Variants in ATP13A4 observed in about 807,000 individuals in gnomAD.
ATP13A4 encodes probable cation-transporting ATPase 13A4.
In ATP13A4, 114 loss-of-function variants were observed where a neutral mutation model predicts 142.5. The observed-to-expected ratio is 0.80, with a 90% CI of 0.69 to 0.93. The LOEUF is 0.93. ATP13A4 is among the 40% of genes least tolerant of loss of function. The probability of loss-of-function intolerance (pLI) is 0.00; values close to 1 mark genes in which losing one functional copy is unlikely to be tolerated. For synonymous variants in ATP13A4, 488 were observed against 514.8 expected (o/e 0.95, Z 0.70); for missense variants, 1,392 against 1,454.0 (o/e 0.96, Z 0.69).
intron 8 of ATP13A4, among the ~76,000 whole-genome samples, chr3:193,477,058 G>GA (rs565501991): frequency 8.0e-5 from 12 of 150,466 alleles, no homozygotes; most frequent in East Asian, 5.8e-4. Context: ...TCTTCAGTTG[G>GA]AAAAAAAAAT....
intron 8 of ATP13A4, among the ~76,000 whole-genome samples, chr3:193,479,590 C>A (rs915338644): frequency 2.6e-5 from 4 of 152,046 alleles, no homozygotes; most frequent in Non-Finnish European, 5.9e-5. Context: ...ATAAGGAAAA[C>A]TACAAAACAC....
chr3:193,493,846 C>T (rs576763330), intron 3 of ATP13A4, among the ~76,000 whole-genome samples: 1 of 152,148 alleles, frequency 6.6e-6, no homozygotes, highest in African/African-American at 2.4e-5. Context: ...AGTGCCCAGT[C>T]ATTTTCCTTT....
At chr3:193,492,416 A>G (rs1022896719) in intron 5 of ATP13A4, among the ~76,000 whole-genome samples, 2 of 152,156 alleles carry the variant, frequency 1.3e-5, no homozygotes, top group Non-Finnish European at 2.9e-5. Flanking sequence ...TCTGCCTAAT[A>G]ACTGATTTGG....
Position 193,483,936 on chromosome 3 carries a change from CT to C in ATP13A4, c.807del (p.Ala270LeufsTer17). 1.9e-6 allele frequency: 3 copies of C among 1,587,808 alleles called. No homozygotes were observed. The highest frequency in any genetic ancestry group is 2.6e-6 in the Non-Finnish European group (3 of 1,156,382). On this transcript the variant is annotated frameshift_variant and splice_region_variant, in exon 8 of 30. Transcript: ENST00000342695. LOFTEE classifies it high-confidence loss of function. ...ATAGATCTAAAATAATGGAACTTACCTTTTCTCCCACATACAGAGACCGTAA... is the reference window on the plus strand; with the variant it reads ...ATAGATCTAAAATAATGGAACTTACCTTTCTCCCACATACAGAGACCGTAA... ...NSITVSVCGRKAGVQELESRV... is the reference protein window; with the variant it reads ...NSITVSVCGRXAGVQELESRV...
intron 27 of ATP13A4, among the ~76,000 whole-genome samples, chr3:193,411,344 T>C (rs1012038508): frequency 1.3e-5 from 2 of 152,180 alleles, no homozygotes; most frequent in African/African-American, 4.8e-5. Flanking sequence ...AAAATACATG[T>C]TCAATAAATG....
rs1723432410 is a variant in ATP13A4, at chr3:193,549,639, G to A, written c.60+5101C>T. ...GGGTCCAGGAGTTTCAGACCAGCCTGGGCAACATGGTGAAACCCTCTCTCT... is the reference window on the plus strand; with the variant it reads ...GGGTCCAGGAGTTTCAGACCAGCCTAGGCAACATGGTGAAACCCTCTCTCT... On this transcript the variant is annotated intron_variant, in intron 1 of 29. Coordinates refer to ENST00000342695, the MANE Select transcript of ATP13A4 (RefSeq NM_032279.4). Among the ~76,000 whole-genome samples, 3 of 152,068 alleles carry A rather than the reference G, an allele frequency of 2.0e-5. No homozygotes were observed. In the South Asian group the frequency reaches 6.2e-4, roughly 32 times the overall value.
At chr3:193,574,240 C>T (rs986577549) in intron 2 of ATP13A4, among the ~76,000 whole-genome samples, 2 of 152,180 alleles carry the variant, frequency 1.3e-5, no homozygotes, top group Non-Finnish European at 2.9e-5. Flanking sequence ...CATCACCACC[C>T]GTAGTGAAGG....
chr3:193,573,274 T>TATATATATAC (rs1209937896), intron 2 of ATP13A4, among the ~76,000 whole-genome samples: 3 of 83,068 alleles, frequency 3.6e-5, no homozygotes, highest in Non-Finnish European at 7.1e-5. Context: ...TATATATATA[T>TATATATATAC]ACATATATAT....
intron 1 of ATP13A4, chr3:193,553,427 T>C (rs1723701502): frequency 6.6e-6 from 1 of 152,066 alleles, no homozygotes; most frequent in African/African-American, 2.4e-5. Context: ...AGAAAAAAAA[T>C]GTTTCAGAGG....
chr3:193,439,852 G>C (rs933551662), intron 21 of ATP13A4, among the ~76,000 whole-genome samples: 1 of 152,200 alleles, frequency 6.6e-6, no homozygotes, highest in Non-Finnish European at 1.5e-5. Flanking sequence ...TTTCTGAGCT[G>C]AGAAGCTAGC....
Position 193,481,351 on chromosome 3 carries a change from A to T in ATP13A4, c.808+2585T>A, listed in dbSNP as rs947361106. Among the ~76,000 whole-genome samples, 17 of 152,310 alleles carry T rather than the reference A, an allele frequency of 1.1e-4. No homozygotes were observed. In the East Asian group the frequency reaches 2.7e-3, roughly 24 times the overall value. ...CACTAGAGCATGTTTTGAACTTTAT[A>T]TTCTACATATGTATATAATATAAAC... On this transcript the variant is annotated intron_variant, in intron 8 of 29. Transcript: ENST00000342695.
intron 1 of ATP13A4, among the ~76,000 whole-genome samples, chr3:193,525,410 C>T (rs1721946391): frequency 1.3e-5 from 2 of 152,204 alleles, no homozygotes; most frequent in Non-Finnish European, 2.9e-5. Context: ...TTTGGCAATA[C>T]ATTTTATCCC....
chr3:193,448,424 G>GTTC (rs1717083589), intron 17 of ATP13A4, 94 bp from the exon 18 acceptor site: 1 of 1,505,706 alleles, frequency 6.6e-7, no homozygotes, highest in African/African-American at 1.4e-5. Context: ...CAGGCTGGAG[G>GTTC]ACAGTGGTTC....
At chr3:193,573,322 T>TACAC (rs1469936570) in intron 2 of ATP13A4, among the ~76,000 whole-genome samples, 1 of 141,816 alleles carries the variant, frequency 7.1e-6, no homozygotes, top group Admixed American at 7.1e-5. Flanking sequence ...TATATATATA[T>TACAC]ATATAATTTG....
Position 193,407,609 on chromosome 3 carries a change from G to T in ATP13A4, c.3298-216C>A, listed in dbSNP as rs117748515. 1.9e-3 allele frequency among the ~76,000 whole-genome samples: 288 copies of T among 152,134 alleles called. 10 individuals are homozygous for T. In the East Asian group the frequency reaches 0.043, roughly 22 times the overall value. On this transcript the variant is annotated intron_variant, in intron 28 of 29. Transcript: ENST00000342695. ...TACTTATGATCCTAATGATTTGGGG[G>T]GGTTATGAGTGTTGCTTTTCTTCTT...
intron 1 of ATP13A4, among the ~76,000 whole-genome samples, chr3:193,588,338 C>T (rs575569287): frequency 2.6e-5 from 4 of 152,284 alleles, no homozygotes; most frequent in Admixed American, 2.0e-4. Flanking sequence ...AACCCATTCA[C>T]ACTTCAGCAC....
intron 2 of ATP13A4, among the ~76,000 whole-genome samples, chr3:193,573,213 T>C (rs981606805): frequency 1.4e-5 from 2 of 146,450 alleles, no homozygotes; most frequent in Non-Finnish European, 3.0e-5. Flanking sequence ...GATTAATATA[T>C]AAAACTTTAA....
chr3:193,474,732 GAA>G lies in ATP13A4; in HGVS notation c.809-3741_809-3740del, dbSNP rs1718858601. ...AAGGAAAGAGAGAGAGAAAGAAAGA[GAA>G]AGAAAGAAAGAAAGGAAAAAGAAAG... On this transcript the variant is annotated intron_variant, in intron 8 of 29. Coordinates refer to ENST00000342695, the MANE Select transcript of ATP13A4 (RefSeq NM_032279.4). 7.5e-5 allele frequency among the ~76,000 whole-genome samples: 3 copies of G among 39,778 alleles called. No individual in the cohort carries two copies. The Admixed American group carries it at 8.5e-4, about 11-fold the overall frequency. 26.1% of individuals were successfully genotyped at this position (39,778 alleles called of 152,430 possible). A position where few individuals can be genotyped will look rare whatever the true frequency, so the allele number is the denominator to read the frequency against.
intron 7 of ATP13A4, among the ~76,000 whole-genome samples, chr3:193,487,643 C>A (rs954693314): frequency 1.3e-5 from 2 of 152,046 alleles, no homozygotes; most frequent in African/African-American, 4.8e-5. Context: ...GGCATTTTGA[C>A]AATATGTTTA....
Sources: allele counts gnomAD v4.1 joint callset (sites outside exome capture counted in the v4.1 genomes callset), GRCh38; gene constraint gnomAD v4.1.1; transcripts MANE v1.5; gene names NCBI Gene and HGNC (gene_info 2026-07-23, HGNC 2026-07-21).